Variants in SFXN3 observed in about 807,000 individuals in gnomAD.
The protein encoded by SFXN3 is sideroflexin-3.
Under a neutral mutation model 40.4 loss-of-function variants are expected in SFXN3, and 31 were observed. The observed-to-expected ratio is 0.77, with a 90% CI of 0.58 to 1.04. The LOEUF is 1.04. Among genes scored for constraint, SFXN3 ranks in the 50% least tolerant of loss-of-function variants. The pLI is 0.00. For missense variants in SFXN3, 366 were observed against 408.2 expected (o/e 0.90, Z 0.89); for synonymous variants, 157 against 160.0 (o/e 0.98, Z 0.14).
At chr10:101,037,390 C>T (rs1938671302) in exon 9 of SFXN3, 1 of 1,614,166 alleles carries the variant, frequency 6.2e-7, no homozygotes, top group Admixed American at 1.7e-5. Context: ...AGCCATCCCA[C>T]CACTGATCAT....
At chr10:101,033,489 C>T (rs1938427012) in intron 2 of SFXN3, among the ~76,000 whole-genome samples, 1 of 152,102 alleles carries the variant, frequency 6.6e-6, no homozygotes, top group African/African-American at 2.4e-5. Context: ...TGGGACATTG[C>T]CCAGGAAACA....
chr10:101,039,088 C>T lies in SFXN3; in HGVS notation c.822-87C>T. The T allele has an allele frequency of 1.7e-6, 2 of 1,150,108 alleles. No homozygotes were observed. The highest frequency in any genetic ancestry group is 1.3e-6 in the Non-Finnish European group (1 of 763,766). The allele number at this position is 1,150,108 out of a possible 1,614,324, so 71.2% of individuals were successfully genotyped here. A position where few individuals can be genotyped will look rare whatever the true frequency, so the allele number is the denominator to read the frequency against. On this transcript the variant is annotated intron_variant, in intron 10 of 11. Coordinates refer to ENST00000393459, the Ensembl canonical transcript of SFXN3. This position sits in a 1 kb window ranked among gnomAD's most constrained non-coding sequence, Gnocchi z 4.6. ...CTTTTATCAATCTCCACCCCTAGGG[C>T]CTATCTCCAAGGATGGGGTGGGGTG...
chr10:101,036,458 C>A lies in SFXN3; in HGVS notation c.432-28C>A. On this transcript the variant is annotated intron_variant, in intron 5 of 11. Transcript: ENST00000393459. This position sits in a 1 kb window ranked among gnomAD's most constrained non-coding sequence, Gnocchi z 4.2. ...GCCACCTGCTGGACTTGTCACCTCT[C>A]CCCGTGACCTGGCTTTTCCACCCAC... 4 of 1,612,260 alleles carry A rather than the reference C, an allele frequency of 2.5e-6. No individual in the cohort carries two copies. Among genetic ancestry groups the A allele is most frequent in the Non-Finnish European group, 2.5e-6 (3 of 1,178,332 alleles).
chr10:101,037,263 C>A, intron 8 of SFXN3, 60 bp downstream of exon 8: 2 of 1,613,562 alleles, frequency 1.2e-6, no homozygotes, highest in South Asian at 2.2e-5. Context: ...GTGCAGTTCT[C>A]AGGGACTTTG....
chr10:101,031,340 C>T (rs1308953627), exon 1 of SFXN3: 1 of 152,304 alleles, frequency 6.6e-6, no homozygotes, highest in Non-Finnish European at 1.5e-5. Flanking sequence ...TAGCTCATTC[C>T]GCAAATTTAG....
At position 101,037,329 on chromosome 10, in the gene SFXN3, T is replaced by G. The variant is rs374598284; in HGVS notation, c.722-53T>G. ...GAGGGGGGTCACCCTTCACAGTTCC[T>G]GACTTTAACTCCACTACTAATGTTC... On this transcript the variant is annotated intron_variant, in intron 8 of 11. Coordinates refer to ENST00000393459, the Ensembl canonical transcript of SFXN3. 20 of 1,614,164 alleles carry G rather than the reference T, an allele frequency of 1.2e-5. No homozygotes were observed. The African/African-American group carries it at 2.5e-4, about 20-fold the overall frequency.
exon 10 of SFXN3, chr10:101,038,659 G>A: frequency 2.5e-6 from 4 of 1,613,322 alleles, no homozygotes; most frequent in Non-Finnish European, 3.4e-6. Flanking sequence ...CCCTGGCTGG[G>A]GGCACCCCTG....
exon 3 of SFXN3, chr10:101,034,804 T>C: frequency 6.2e-7 from 1 of 1,614,210 alleles, no homozygotes; most frequent in South Asian, 1.1e-5. Flanking sequence ...CGAAATCTGC[T>C]GCTGTCCGGG....
At position 101,036,720 on chromosome 10, in the gene SFXN3, C is replaced by T. The variant is rs752929943; in HGVS notation, c.508-3C>T. 1 of 1,608,310 alleles carries T rather than the reference C, an allele frequency of 6.2e-7. No homozygotes were observed. Among genetic ancestry groups the T allele is most frequent in the Admixed American group, 1.7e-5 (1 of 59,748 alleles). On this transcript the variant is annotated splice_region_variant and splice_polypyrimidine_tract_variant and intron_variant, in intron 6 of 11. Transcript: ENST00000393459. The surrounding 1 kb of genome is among the most constrained non-coding windows in gnomAD (Gnocchi z 4.2). ...GCCACTGAACAACACCCTTCCTCCC[C>T]AGCACCTGCCCCCCTTGGTCGGCAG...
In SFXN3 at chr10:101,039,030, GTTGGGT is replaced by G. The variant is rs957192537; in HGVS notation, c.822-142_822-137del. 4.2e-6 allele frequency: 3 copies of G among 719,772 alleles called. No homozygotes were observed. In the African/African-American group the frequency reaches 5.4e-5, roughly 13 times the overall value. 44.6% of individuals were successfully genotyped at this position (719,772 alleles called of 1,614,324 possible). On this transcript the variant is annotated intron_variant, in intron 10 of 11. Transcript: ENST00000393459. The surrounding 1 kb of genome is among the most constrained non-coding windows in gnomAD (Gnocchi z 4.6). ...TCTTTCCTCAGAACCTGATGTCCAG[GTTGGGT>G]TTACTATTCCTAAAAGGTCCTTTCA...
chr10:101,040,892 G>A (rs1938866726), exon 12 of SFXN3: 1 of 152,234 alleles, frequency 6.6e-6, no homozygotes, highest in South Asian at 2.1e-4. Flanking sequence ...CTGTTCCACT[G>A]ACATTTCTTA....
At position 101,037,221 on chromosome 10, in the gene SFXN3, G is replaced by A; in HGVS notation, c.721+18G>A. On this transcript the variant is annotated intron_variant, in intron 8 of 11. Coordinates refer to ENST00000393459, the Ensembl canonical transcript of SFXN3. ...TGCCATGGGTAAGGCGGGAGTGGCTGGGTGGGGCATAGGAGACTCTGAGAG... is the reference window on the plus strand; with the variant it reads ...TGCCATGGGTAAGGCGGGAGTGGCTAGGTGGGGCATAGGAGACTCTGAGAG... 1 of 1,613,700 alleles carries A rather than the reference G, an allele frequency of 6.2e-7. No individual in the cohort carries two copies. The highest frequency in any genetic ancestry group is 8.5e-7 in the Non-Finnish European group (1 of 1,179,998).
At chr10:101,035,750 T>A in intron 4 of SFXN3, 83 bp downstream of exon 4, 2 of 1,514,000 alleles carry the variant, frequency 1.3e-6, no homozygotes, top group South Asian at 2.6e-5. Context: ...CTGGGCCAAC[T>A]GGGTGAGTGA....
At position 101,037,061 on chromosome 10, in the gene SFXN3, C is replaced by A. The variant is rs776362342; in HGVS notation, c.594-15C>A. 3 of 1,613,352 alleles carry A rather than the reference C, an allele frequency of 1.9e-6. No homozygotes were observed. The highest frequency in any genetic ancestry group is 2.5e-6 in the Non-Finnish European group (3 of 1,179,960). On this transcript the variant is annotated splice_polypyrimidine_tract_variant and intron_variant, in intron 7 of 11. Transcript: ENST00000393459. ...CCGGGGCCTGTGATCTGACCCCAAC[C>A]CCCCTCCCTTGCAGAGAGCTGCAGG...
chr10:101,039,359 CAG>C lies in SFXN3; in HGVS notation c.870-129_870-128del. ...ACTGATTCTGGGAGTGGGGGAATGA[CAG>C]TGAGCCAGTCCTTCTGGCAGTAGAA... is the stretch of plus-strand genomic sequence containing the variant. On this transcript the variant is annotated intron_variant, in intron 11 of 11. Coordinates refer to ENST00000393459, the Ensembl canonical transcript of SFXN3. This position sits in a 1 kb window ranked among gnomAD's most constrained non-coding sequence, Gnocchi z 4.6. 1 of 1,187,398 alleles carries C rather than the reference CAG, an allele frequency of 8.4e-7. No individual in the cohort carries two copies. Among genetic ancestry groups the C allele is most frequent in the Non-Finnish European group, 1.2e-6 (1 of 802,158 alleles). The allele number at this position is 1,187,398 out of a possible 1,614,324, so 73.6% of individuals were successfully genotyped here.
intron 9 of SFXN3, chr10:101,038,349 G>T: frequency 1.5e-6 from 2 of 1,338,032 alleles, no homozygotes; most frequent in Non-Finnish European, 1.9e-6. Flanking sequence ...GAAGAAATCA[G>T]CTCCTGGAGG....
chr10:101,036,217 G>A lies in SFXN3; in HGVS notation c.431+116G>A, dbSNP rs1044127374. Reference sequence around the variant, plus strand: ...GTGGACCATGCAGCCAGTGCTCAGCGCCCTCTCCTCAGCCTGCCCCACCCC... The same window carrying A: ...GTGGACCATGCAGCCAGTGCTCAGCACCCTCTCCTCAGCCTGCCCCACCCC... On this transcript the variant is annotated intron_variant, in intron 5 of 11. Transcript: ENST00000393459. This position sits in a 1 kb window ranked among gnomAD's most constrained non-coding sequence, Gnocchi z 4.2. The A allele has an allele frequency of 1.7e-5, 16 of 914,938 alleles. No homozygotes were observed. The highest frequency in any genetic ancestry group is 6.3e-4 in the Middle Eastern group (2 of 3,152). 56.7% of individuals were successfully genotyped at this position (914,938 alleles called of 1,614,324 possible).
At chr10:101,038,749 T>C in intron 10 of SFXN3, 57 bp downstream of exon 10, 5 of 1,601,288 alleles carry the variant, frequency 3.1e-6, no homozygotes, top group Non-Finnish European at 3.4e-6. Context: ...ATGGTGGATG[T>C]GGGTGGGTAT....
chr10:101,037,097 G>A (rs762065523), exon 8 of SFXN3: 20 of 1,613,820 alleles, frequency 1.2e-5, no homozygotes, highest in Admixed American at 6.7e-5. Context: ...TGGGCATCCC[G>A]GTGGCTGATG....
Sources: gnomAD v4.1 joint callset for allele counts (sites outside exome capture counted in the v4.1 genomes callset) on GRCh38, gnomAD v4.1.1 for gene constraint, Gnocchi (gnomAD v3.1) non-coding constraint, MANE v1.5 for transcripts, NCBI Gene and HGNC (gene_info 2026-07-23, HGNC 2026-07-21) for gene names.